ASTN2: variants seen among roughly 807,000 people sequenced by gnomAD.
The protein encoded by ASTN2 is astrotactin-2.
In ASTN2, 54 loss-of-function variants were observed where a neutral mutation model predicts 139.8. The ratio of observed to expected loss-of-function variants is 0.39; its 90% CI spans 0.31 to 0.48. The LOEUF (loss-of-function observed/expected upper bound fraction) is 0.48. Ranked by LOEUF, ASTN2 falls within the 20% of genes least tolerant of loss-of-function variation. The probability of loss-of-function intolerance (pLI) is 0.95; values close to 1 mark genes in which losing one functional copy is unlikely to be tolerated. For missense variants in ASTN2, 1,565 were observed against 1,725.1 expected (o/e 0.91, Z 1.64); for synonymous variants, 756 against 719.5 (o/e 1.05, Z -0.81).
chr9:116,679,672 T>G lies in ASTN2; in HGVS notation c.2807-27879A>C, dbSNP rs561410171. On this transcript the variant is annotated intron_variant, in intron 16 of 22. Coordinates refer to ENST00000313400, the MANE Select transcript of ASTN2 (RefSeq NM_001365068.1). ...TGTAAAAGAACAGAAATTATAACTG[T>G]CTCTCAGAACACAGTGCAATCAAAC... is the stretch of plus-strand genomic sequence containing the variant. 2.0e-5 allele frequency among the ~76,000 whole-genome samples: 3 copies of G among 152,200 alleles called. No homozygotes were observed. The East Asian group carries it at 5.8e-4, about 29-fold the overall frequency.
chr9:116,458,391 T>C (rs909827432), intron 20 of ASTN2, among the ~76,000 whole-genome samples: 2 of 151,742 alleles, frequency 1.3e-5, no homozygotes, highest in Admixed American at 6.6e-5. Context: ...CACAAAGAAA[T>C]AATAAATGCT....
intron 5 of ASTN2, among the ~76,000 whole-genome samples, chr9:117,069,398 T>C (rs1226804279): frequency 9.1e-6 from 1 of 109,926 alleles, no homozygotes; most frequent in Non-Finnish European, 1.9e-5. Context: ...TTCTGTTCTT[T>C]TACATTTGCT....
intron 17 of ASTN2, among the ~76,000 whole-genome samples, chr9:116,632,415 T>G (rs1383786945): frequency 6.6e-6 from 1 of 151,468 alleles, no homozygotes; most frequent in Non-Finnish European, 1.5e-5. Context: ...GCCAATATAG[T>G]GAGACCTCAT....
intron 1 of ASTN2, among the ~76,000 whole-genome samples, chr9:117,367,949 T>C (rs1829889363): frequency 6.6e-6 from 1 of 152,080 alleles, no homozygotes; most frequent in African/African-American, 2.4e-5. Context: ...CACTCCATGG[T>C]ATGGAGTATG....
At chr9:116,509,304 T>C (rs1007437546) in intron 19 of ASTN2, among the ~76,000 whole-genome samples, 5 of 152,294 alleles carry the variant, frequency 3.3e-5, no homozygotes, top group African/African-American at 1.2e-4. Flanking sequence ...TGATGGTTTA[T>C]AGCTTCATCC....
chr9:116,549,096 G>C (rs1162774090), intron 19 of ASTN2, among the ~76,000 whole-genome samples: 1 of 152,018 alleles, frequency 6.6e-6, no homozygotes, highest in Non-Finnish European at 1.5e-5. Flanking sequence ...CAAACTAAGG[G>C]ATGAGTTTAA....
chr9:116,830,728 G>A (rs1210262328), intron 11 of ASTN2, among the ~76,000 whole-genome samples: 1 of 149,480 alleles, frequency 6.7e-6, no homozygotes, highest in Non-Finnish European at 1.5e-5. Flanking sequence ...GGAGGCGGAG[G>A]TCACAGTGAG....
intron 19 of ASTN2, among the ~76,000 whole-genome samples, chr9:116,500,980 C>T (rs1253095546): frequency 1.3e-5 from 2 of 152,130 alleles, no homozygotes; most frequent in Admixed American, 6.6e-5. Context: ...CAGAACTGCA[C>T]AAACTATGTG....
At chr9:117,120,018 G>GTATATATATATATATATATA (rs200361826) in intron 4 of ASTN2, among the ~76,000 whole-genome samples, 24 of 45,996 alleles carry the variant, frequency 5.2e-4, no homozygotes, top group Admixed American at 1.8e-3. Context: ...GTGTGTGTGT[G>GTATATATATATATATATATA]TATATATATA....
At chr9:116,460,573 G>T (rs1003529225) in intron 20 of ASTN2, among the ~76,000 whole-genome samples, 1 of 152,080 alleles carries the variant, frequency 6.6e-6, no homozygotes, top group Admixed American at 6.6e-5. Flanking sequence ...TAAGTAGAAA[G>T]TGTTACTTAT....
chr9:116,587,823 A>G (rs72762008), intron 19 of ASTN2, among the ~76,000 whole-genome samples: 12,358 of 148,998 alleles, frequency 0.083, 529 homozygotes, highest in East Asian at 0.15. Context: ...TTTATAAAGT[A>G]GAATACATTA....
At chr9:117,317,899 G>C (rs1160883715) in intron 1 of ASTN2, among the ~76,000 whole-genome samples, 1 of 152,154 alleles carries the variant, frequency 6.6e-6, no homozygotes, top group Non-Finnish European at 1.5e-5. Flanking sequence ...TGTGACCCAG[G>C]ACAGAGAGCT....
At chr9:117,008,486 G>A (rs1170588619) in intron 6 of ASTN2, among the ~76,000 whole-genome samples, 1 of 152,156 alleles carries the variant, frequency 6.6e-6, no homozygotes, top group East Asian at 1.9e-4. Flanking sequence ...AGGCCCTTAG[G>A]ACTGAGAGGG....
At chr9:116,565,427 A>ATATATATT (rs1554714243) in intron 19 of ASTN2, among the ~76,000 whole-genome samples, 8 of 74,016 alleles carry the variant, frequency 1.1e-4, no homozygotes, top group East Asian at 3.7e-4. Context: ...ATATATATAT[A>ATATATATT]TATTTATTTA....
chr9:117,275,434 C>T (rs1279444590), intron 2 of ASTN2, among the ~76,000 whole-genome samples: 1 of 152,124 alleles, frequency 6.6e-6, no homozygotes, highest in African/African-American at 2.4e-5. Flanking sequence ...AGTCTAACAT[C>T]GAGGCACCAG....
At chr9:117,015,174 A>G (rs1351179189) in intron 6 of ASTN2, among the ~76,000 whole-genome samples, 1 of 151,838 alleles carries the variant, frequency 6.6e-6, no homozygotes. Flanking sequence ...GGACCATCAC[A>G]CCTGACTAAT....
At chr9:116,658,537 A>C (rs1661308) in intron 16 of ASTN2, among the ~76,000 whole-genome samples, 1 of 152,154 alleles carries the variant, frequency 6.6e-6, no homozygotes, top group Non-Finnish European at 1.5e-5. Context: ...GGAAGGGATC[A>C]CTGAAGCCAG....
At chr9:116,465,125 T>G (rs1848612280) in intron 20 of ASTN2, among the ~76,000 whole-genome samples, 1 of 152,220 alleles carries the variant, frequency 6.6e-6, no homozygotes, top group Non-Finnish European at 1.5e-5. Flanking sequence ...AGCACAAGTT[T>G]AAAATCCAAG....
At chr9:116,735,609 G>A (rs1828906436) in intron 13 of ASTN2, among the ~76,000 whole-genome samples, 1 of 152,184 alleles carries the variant, frequency 6.6e-6, no homozygotes, top group African/African-American at 2.4e-5. Context: ...TCAGCCTAGT[G>A]GGGAAAACAC....
Sources: gnomAD v4.1 joint callset for allele counts (sites outside exome capture counted in the v4.1 genomes callset) on GRCh38, gnomAD v4.1.1 for gene constraint, MANE v1.5 for transcripts, NCBI Gene and HGNC (gene_info 2026-07-23, HGNC 2026-07-21) for gene names.